BAZ2B: variants seen among roughly 807,000 people sequenced by gnomAD.
BAZ2B encodes bromodomain adjacent to zinc finger domain 2B.
In BAZ2B, 91 loss-of-function variants were observed where a neutral mutation model predicts 246.0. The ratio of observed to expected loss-of-function variants is 0.37; its 90% confidence interval spans 0.31 to 0.44. The LOEUF (loss-of-function observed/expected upper bound fraction) is 0.44. Ranked by LOEUF, BAZ2B falls within the 20% of genes least tolerant of loss-of-function variation. BAZ2B has a pLI of 1.00. For missense variants in BAZ2B, 2,332 were observed against 2,533.7 expected (o/e 0.92, Z 1.71); for synonymous variants, 855 against 860.0 (o/e 0.99, Z 0.10).
At chr2:159,608,934 A>C (rs1266200349) in intron 1 of BAZ2B, among the ~76,000 whole-genome samples, 1 of 152,164 alleles carries the variant, frequency 6.6e-6, no homozygotes, top group Non-Finnish European at 1.5e-5. Context: ...TTCATCATCT[A>C]GTGTGGGGAC....
chr2:159,561,447 T>TA (rs2089860007), intron 1 of BAZ2B, among the ~76,000 whole-genome samples: 2 of 152,196 alleles, frequency 1.3e-5, no homozygotes, highest in Non-Finnish European at 2.9e-5. Flanking sequence ...AACTGTTAGC[T>TA]TAATAAACCT....
chr2:159,625,575 C>G, the BAZ2B span, among the ~76,000 whole-genome samples: 1 of 152,108 alleles, frequency 6.6e-6, no homozygotes, highest in Non-Finnish European at 1.5e-5. Flanking sequence ...TATAGCCAAA[C>G]TAAGCTTCAA....
At chr2:159,528,640 G>A (rs1051630640) in intron 2 of BAZ2B, among the ~76,000 whole-genome samples, 1 of 148,730 alleles carries the variant, frequency 6.7e-6, no homozygotes, top group Non-Finnish European at 1.5e-5. Context: ...CCAAGCTCGC[G>A]CCACTGTACT....
At chr2:159,641,656 T>C in the BAZ2B span, among the ~76,000 whole-genome samples, 3 of 152,210 alleles carry the variant, frequency 2.0e-5, no homozygotes, top group Admixed American at 6.5e-5. Context: ...CTGAATAGTA[T>C]TGCCTAGGTT....
the BAZ2B span, among the ~76,000 whole-genome samples, chr2:159,682,248 A>G: frequency 7.0e-6 from 1 of 143,312 alleles, no homozygotes; most frequent in Non-Finnish European, 1.5e-5. Context: ...GCTGGACCGC[A>G]GAGGCTCACT....
the BAZ2B span, among the ~76,000 whole-genome samples, chr2:159,707,278 C>T: frequency 1.3e-5 from 2 of 152,080 alleles, no homozygotes; most frequent in Non-Finnish European, 2.9e-5. Context: ...GGCTGGGCAT[C>T]GTGGATCGCA....
chr2:159,512,451 AGATTACTG>A (rs1196619864), intron 2 of BAZ2B, among the ~76,000 whole-genome samples: 1 of 152,184 alleles, frequency 6.6e-6, no homozygotes, highest in Admixed American at 6.5e-5. Context: ...GGCATCTTAG[AGATTACTG>A]GTTTTCCAGT....
rs142926974 is a variant in BAZ2B, at chr2:159,421,827, A to T, written c.2466+6114T>A. On this transcript the variant is annotated intron_variant, in intron 13 of 36. Transcript: ENST00000392783. ...CTGTCTTAAGAGACAATATGATTCT[A>T]TACCTAGAAAACCCTAAAGACTTTC... Among the ~76,000 whole-genome samples, 27 of 152,332 alleles carry T rather than the reference A, an allele frequency of 1.8e-4. No homozygotes were observed. The East Asian group carries it at 4.6e-3, about 26-fold the overall frequency.
chr2:159,372,390 A>G (rs1400204614), intron 27 of BAZ2B, among the ~76,000 whole-genome samples: 1 of 152,232 alleles, frequency 6.6e-6, no homozygotes. Flanking sequence ...CCCCATCAGA[A>G]TTTGGCATTT....
intron 8 of BAZ2B, 78 bp from the exon 9 acceptor site, chr2:159,433,441 A>G (rs903849682): frequency 7.7e-7 from 1 of 1,306,426 alleles, no homozygotes; most frequent in African/African-American, 1.5e-5. Context: ...TCAATATCTG[A>G]AAACAAATTA....
At chr2:159,597,093 C>G (rs1377573940) in intron 1 of BAZ2B, among the ~76,000 whole-genome samples, 1 of 152,146 alleles carries the variant, frequency 6.6e-6, no homozygotes, top group Non-Finnish European at 1.5e-5. Flanking sequence ...GCCATTCTTG[C>G]ATAAGTAAGG....
chr2:159,528,197 G>A (rs547694572), intron 2 of BAZ2B, among the ~76,000 whole-genome samples: 76 of 152,240 alleles, frequency 5.0e-4, no homozygotes, highest in Admixed American at 9.2e-4. Flanking sequence ...TCATCATTGA[G>A]AGGATGATGA....
chr2:159,339,845 C>T lies in BAZ2B; in HGVS notation c.5455-2073G>A, dbSNP rs141345479. Among the ~76,000 whole-genome samples the T allele has an allele frequency of 1.4e-3, 207 of 152,128 alleles. 1 individual carries two copies. The highest frequency in any genetic ancestry group is 4.6e-3 in the African/African-American group (193 of 41,524). On this transcript the variant is annotated intron_variant, in intron 31 of 36. Coordinates refer to ENST00000392783, the MANE Select transcript of BAZ2B (RefSeq NM_013450.4). ...AAAGACAAATTATTATATATTCTCA[C>T]TCATATGTGAGAACTAAAAAAGCTA...
At chr2:159,336,865 A>T in intron 33 of BAZ2B, 77 bp downstream of exon 33, 1 of 1,273,686 alleles carries the variant, frequency 7.9e-7, no homozygotes, top group Non-Finnish European at 1.1e-6. Flanking sequence ...GTAATGTATA[A>T]TTAAGAAAGA....
At chr2:159,656,527 C>G in the BAZ2B span, among the ~76,000 whole-genome samples, 1 of 152,086 alleles carries the variant, frequency 6.6e-6, no homozygotes, top group Non-Finnish European at 1.5e-5. Context: ...ACGACCACTG[C>G]TCTTTTTATT....
intron 27 of BAZ2B, among the ~76,000 whole-genome samples, chr2:159,357,958 G>A (rs903530122): frequency 7.2e-5 from 11 of 152,096 alleles, no homozygotes; most frequent in African/African-American, 2.7e-4. Flanking sequence ...AAGAGCTCCT[G>A]AAGGAAGCAC....
chr2:159,332,726 C>T, intron 33 of BAZ2B, 40 bp from the exon 34 acceptor site: 1 of 1,603,106 alleles, frequency 6.2e-7, no homozygotes, highest in Non-Finnish European at 8.5e-7. Context: ...AACGCTCTGC[C>T]ATGAATAATA....
At chr2:159,346,984 A>G (rs1041451575) in intron 31 of BAZ2B, among the ~76,000 whole-genome samples, 3 of 152,218 alleles carry the variant, frequency 2.0e-5, no homozygotes, top group African/African-American at 2.4e-5. Flanking sequence ...ATAATGGTCT[A>G]TAACATATAT....
At chr2:159,674,748 A>G in the BAZ2B span, among the ~76,000 whole-genome samples, 1 of 151,926 alleles carries the variant, frequency 6.6e-6, no homozygotes, top group Non-Finnish European at 1.5e-5. Context: ...GGGAAAACCT[A>G]AAGTTGAATA....
Sources: gnomAD v4.1 joint callset for allele counts (sites outside exome capture counted in the v4.1 genomes callset) on GRCh38, gnomAD v4.1.1 for gene constraint, MANE v1.5 for transcripts, NCBI Gene and HGNC (gene_info 2026-07-23, HGNC 2026-07-21) for gene names.